RBPMS: variants seen among roughly 807,000 people sequenced by gnomAD.
RBPMS encodes the protein RNA binding protein, mRNA processing factor, also known as RNA-binding protein with multiple splicing.
RBPMS carries 7 observed loss-of-function variants against 26.8 expected under a neutral mutation model. The ratio of observed to expected loss-of-function variants is 0.26; its 90% CI spans 0.15 to 0.49. The LOEUF (loss-of-function observed/expected upper bound fraction) is 0.49. Ranked by LOEUF, RBPMS falls within the 20% of genes least tolerant of loss-of-function variation. The pLI is 0.98. For missense variants in RBPMS, 186 were observed against 250.0 expected, an observed-to-expected ratio of 0.74 and a Z score of 1.73; for synonymous variants, 96 against 93.3, an observed-to-expected ratio of 1.03 and a Z score of -0.17.
In RBPMS at chr8:30,438,769, AC is replaced by A. The variant is rs989049979; in HGVS notation, c.67-36009del. ...TAGAGAGATAGGAAGATGCGATCTT[AC>A]TTTTTTTTTATTTATTTTTTTTGAA... On this transcript the variant is annotated intron_variant, in intron 1 of 8. Coordinates refer to ENST00000397323, the MANE Select transcript of RBPMS (RefSeq NM_001008710.3). Among the ~76,000 whole-genome samples, 3 of 120,620 alleles carry A rather than the reference AC, an allele frequency of 2.5e-5. No individual in the cohort carries two copies. The Admixed American group carries it at 2.5e-4, about 10-fold the overall frequency. The allele number at this position is 120,620 out of a possible 152,430, so 79.1% of individuals were successfully genotyped here. A position where few individuals can be genotyped will look rare whatever the true frequency, so the allele number is the denominator to read the frequency against.
intron 1 of RBPMS, among the ~76,000 whole-genome samples, chr8:30,418,760 G>T (rs1211474566): frequency 6.6e-6 from 1 of 151,884 alleles, no homozygotes; most frequent in Non-Finnish European, 1.5e-5. Flanking sequence ...TGTATTTCTA[G>T]TAGAGACTGG....
chr8:30,453,041 G>T (rs768231712), intron 1 of RBPMS, among the ~76,000 whole-genome samples: 18 of 152,096 alleles, frequency 1.2e-4, no homozygotes, highest in Non-Finnish European at 2.5e-4. Context: ...GATTCATTGT[G>T]GTCTCTGCAG....
At chr8:30,445,711 A>G (rs1813686066) in intron 1 of RBPMS, among the ~76,000 whole-genome samples, 2 of 144,214 alleles carry the variant, frequency 1.4e-5, no homozygotes, top group South Asian at 4.4e-4. Context: ...ACTGTCGCCT[A>G]GGCTAGGGTG....
intron 1 of RBPMS, among the ~76,000 whole-genome samples, chr8:30,416,045 A>G (rs1810032279): frequency 6.6e-6 from 1 of 152,182 alleles, no homozygotes; most frequent in Non-Finnish European, 1.5e-5. Context: ...CCTGAGAGCC[A>G]GGATGTAGAG....
intron 4 of RBPMS, among the ~76,000 whole-genome samples, chr8:30,497,327 G>A (rs1820066927): frequency 6.6e-6 from 1 of 152,150 alleles, no homozygotes; most frequent in African/African-American, 2.4e-5. Context: ...CAGATCACTT[G>A]AGGTCAGGAG....
chr8:30,500,510 A>G (rs1820450569), intron 4 of RBPMS, among the ~76,000 whole-genome samples: 1 of 152,140 alleles, frequency 6.6e-6, no homozygotes, highest in Non-Finnish European at 1.5e-5. Flanking sequence ...ATTTGTAACA[A>G]CACTGGGAGC....
chr8:30,475,966 G>C (rs1817649841), intron 2 of RBPMS, among the ~76,000 whole-genome samples: 1 of 152,136 alleles, frequency 6.6e-6, no homozygotes, highest in Non-Finnish European at 1.5e-5. Context: ...ACCTTTTATA[G>C]AATTTCCTGA....
chr8:30,566,942 T>A (rs142548456), intron 8 of RBPMS, among the ~76,000 whole-genome samples: 11 of 152,276 alleles, frequency 7.2e-5, no homozygotes, highest in Non-Finnish European at 1.0e-4. Context: ...GTTTTAGTGA[T>A]CTGTCTTTTC....
Position 30,518,687 on chromosome 8 carries a change from CTTTTTTTTTTTTT to C in RBPMS, c.397+14267_397+14279del, listed in dbSNP as rs58763494. On this transcript the variant is annotated intron_variant, in intron 5 of 8. Transcript: ENST00000397323. ...CAGTGATCCGCCCGGCCAAGCATGA[CTTTTTTTTTTTTT>C]TTTTTTTTTTTTTTTCTGAAAAGGA... Among the ~76,000 whole-genome samples the C allele has an allele frequency of 8.2e-4, 15 of 18,246 alleles. 1 individual carries two copies. Among genetic ancestry groups the C allele is most frequent in the Admixed American group, 6.5e-3 (6 of 930 alleles). 12.0% of individuals were successfully genotyped at this position (18,246 alleles called of 152,430 possible).
chr8:30,541,900 C>T (rs1046372350), intron 5 of RBPMS, among the ~76,000 whole-genome samples: 9 of 152,188 alleles, frequency 5.9e-5, no homozygotes, highest in African/African-American at 7.2e-5. Flanking sequence ...GCTTTAATAC[C>T]CATTTCCGTC....
intron 7 of RBPMS, among the ~76,000 whole-genome samples, chr8:30,561,617 G>T (rs1467641373): frequency 6.6e-6 from 1 of 152,234 alleles, no homozygotes; most frequent in East Asian, 1.9e-4. Flanking sequence ...ACATCTGAGA[G>T]CCAAGAGTCA....
chr8:30,454,298 TAC>T (rs1278530932), intron 1 of RBPMS, among the ~76,000 whole-genome samples: 1 of 152,238 alleles, frequency 6.6e-6, no homozygotes, highest in Non-Finnish European at 1.5e-5. Flanking sequence ...AACTTATTCA[TAC>T]TATTGTCTGT....
intron 5 of RBPMS, among the ~76,000 whole-genome samples, chr8:30,518,464 C>T: frequency 6.6e-6 from 1 of 151,856 alleles, no homozygotes; most frequent in Non-Finnish European, 1.5e-5. Context: ...CTTGCTCTGT[C>T]TCTTAGGCTG....
intron 1 of RBPMS, among the ~76,000 whole-genome samples, chr8:30,434,996 A>ACATCCATCCATC (rs113850134): frequency 3.2e-4 from 48 of 150,506 alleles, no homozygotes; most frequent in African/African-American, 1.1e-3. Flanking sequence ...TCCAAAGAAG[A>ACATCCATCCATC]CATCCATCCA....
At chr8:30,544,748 A>G (rs767442973) in intron 6 of RBPMS, 124 bp downstream of exon 6, 2 of 1,600,000 alleles carry the variant, frequency 1.3e-6, no homozygotes, top group African/African-American at 1.3e-5. Flanking sequence ...CAAGAGATTA[A>G]TGATCCCCTC....
At chr8:30,431,351 T>TTTC (rs1811906825) in intron 1 of RBPMS, among the ~76,000 whole-genome samples, 2 of 70,448 alleles carry the variant, frequency 2.8e-5, no homozygotes, top group Non-Finnish European at 5.8e-5. Context: ...TTCTTTTTTT[T>TTTC]TCTTTCTCTT....
chr8:30,388,676 A>G (rs1280104000), intron 1 of RBPMS, among the ~76,000 whole-genome samples: 1 of 151,950 alleles, frequency 6.6e-6, no homozygotes, highest in Non-Finnish European at 1.5e-5. Context: ...TTTGTTGGTC[A>G]CTGAATTTTC....
chr8:30,444,777 A>G (rs753252023), intron 1 of RBPMS: 18 of 152,242 alleles, frequency 1.2e-4, no homozygotes, highest in African/African-American at 3.9e-4. Context: ...AGCCAAAACA[A>G]TTGAACAGTT....
chr8:30,420,586 AGTT>A (rs1275586558), intron 1 of RBPMS, among the ~76,000 whole-genome samples: 4 of 152,238 alleles, frequency 2.6e-5, no homozygotes, highest in African/African-American at 9.6e-5. Flanking sequence ...CATGCGGGTC[AGTT>A]GAAGTGTTTC....
Sources: gnomAD v4.1 joint callset for allele counts (sites outside exome capture counted in the v4.1 genomes callset) on GRCh38, gnomAD v4.1.1 for gene constraint, MANE v1.5 for transcripts, NCBI Gene and HGNC (gene_info 2026-07-23, HGNC 2026-07-21) for gene names.